RPTOR: variants seen among roughly 807,000 people sequenced by gnomAD.
RPTOR encodes regulatory associated protein of MTOR complex 1, also known as regulatory-associated protein of mTOR.
Under a neutral mutation model 169.9 loss-of-function variants are expected in RPTOR, and 21 were observed. The observed-to-expected ratio is 0.12, with a 90% CI of 0.09 to 0.18. RPTOR has a LOEUF of 0.18. Among genes scored for constraint, RPTOR ranks in the 10% least tolerant of loss-of-function variants. RPTOR has a pLI of 1.00. For missense variants in RPTOR, 1,133 were observed against 1,855.9 expected (o/e 0.61, Z 7.16); for synonymous variants, 732 against 753.2 (o/e 0.97, Z 0.46).
intron 12 of RPTOR, among the ~76,000 whole-genome samples, chr17:80,856,476 T>A (rs1234303554): frequency 6.6e-6 from 1 of 152,164 alleles, no homozygotes; most frequent in Non-Finnish European, 1.5e-5. Flanking sequence ...TTTCATCAGA[T>A]AATGTTGACA....
chr17:80,776,376 T>G (rs1438437405), intron 6 of RPTOR, among the ~76,000 whole-genome samples: 1 of 137,844 alleles, frequency 7.3e-6, no homozygotes, highest in Non-Finnish European at 1.5e-5. Flanking sequence ...CAGGCTGGAG[T>G]GCAGTGGCGT....
At chr17:80,592,500 G>T (rs1161133819) in intron 1 of RPTOR, among the ~76,000 whole-genome samples, 1 of 152,092 alleles carries the variant, frequency 6.6e-6, no homozygotes, top group African/African-American at 2.4e-5. Flanking sequence ...ATCTGGGAAG[G>T]GAACAGGATA....
chr17:80,563,469 G>T (rs1338475279), intron 1 of RPTOR, among the ~76,000 whole-genome samples: 1 of 150,172 alleles, frequency 6.7e-6, no homozygotes, highest in Non-Finnish European at 1.5e-5. Flanking sequence ...GGAGGCAGAG[G>T]TTGGAGAATT....
chr17:80,922,770 T>C lies in RPTOR; in HGVS notation c.2567T>C (p.Leu856Pro). 1 of 1,584,352 alleles carries C rather than the reference T, an allele frequency of 6.3e-7. No individual in the cohort carries two copies. Among genetic ancestry groups the C allele is most frequent in the South Asian group, 1.1e-5 (1 of 87,702 alleles). Reference sequence around the variant, plus strand: ...CAGCGCGTCCTGGACACCTCCTCCCTCACGCAGTCGGCCCCCGCCAGCCCC... The same window carrying C: ...CAGCGCGTCCTGGACACCTCCTCCCCCACGCAGTCGGCCCCCGCCAGCCCC... ...RPQRVLDTSS[L>P]TQSAPASPTN... is the part of the protein sequence containing the mutation. The change falls in exon 22 of 34, where the codon CTC becomes CCC. Residue 856 changes from leucine to proline, a missense_variant. This residue lies in a region of RPTOR where 123 missense variants were observed against 129.0 expected (regional missense o/e 0.95). Transcript: ENST00000306801.
At chr17:80,629,929 C>T (rs987898218) in intron 2 of RPTOR, among the ~76,000 whole-genome samples, 5 of 152,240 alleles carry the variant, frequency 3.3e-5, no homozygotes, top group Admixed American at 6.5e-5. Context: ...GCAGCTCCTC[C>T]GTTTGTTCTC....
At chr17:80,807,363 G>C (rs982086121) in intron 7 of RPTOR, among the ~76,000 whole-genome samples, 16 of 145,452 alleles carry the variant, frequency 1.1e-4, no homozygotes, top group Middle Eastern at 3.2e-3. Flanking sequence ...TTTTTGGAGC[G>C]GGGGGAACGG....
intron 24 of RPTOR, among the ~76,000 whole-genome samples, chr17:80,930,244 G>GTTCATC (rs2068865591): frequency 9.7e-5 from 2 of 20,594 alleles, no homozygotes; most frequent in East Asian, 1.3e-3. Flanking sequence ...CTCATCCTCA[G>GTTCATC]CTCAGCTCAT....
intron 7 of RPTOR, among the ~76,000 whole-genome samples, chr17:80,821,001 A>G (rs1014865898): frequency 6.6e-6 from 1 of 152,232 alleles, no homozygotes; most frequent in Non-Finnish European, 1.5e-5. Flanking sequence ...CTGCTTTAGA[A>G]TATTATACTA....
At chr17:80,660,068 C>T (rs1363269994) in intron 3 of RPTOR, among the ~76,000 whole-genome samples, 4 of 151,912 alleles carry the variant, frequency 2.6e-5, no homozygotes, top group Non-Finnish European at 2.9e-5. Flanking sequence ...GTCAGGAGTT[C>T]GAGACCAGTC....
At chr17:80,561,964 G>C (rs775244435) in intron 1 of RPTOR, among the ~76,000 whole-genome samples, 3 of 152,160 alleles carry the variant, frequency 2.0e-5, no homozygotes, top group Non-Finnish European at 4.4e-5. Context: ...GTATGTATGT[G>C]TGTACATGTT....
chr17:80,954,377 C>T (rs1265724915), intron 28 of RPTOR, among the ~76,000 whole-genome samples: 1 of 151,944 alleles, frequency 6.6e-6, no homozygotes, highest in African/African-American at 2.4e-5. Flanking sequence ...CCGCCTCAGC[C>T]TCCCAAAGTG....
chr17:80,558,701 T>TA (rs1321708613), intron 1 of RPTOR, among the ~76,000 whole-genome samples: 3 of 152,142 alleles, frequency 2.0e-5, no homozygotes, highest in Non-Finnish European at 4.4e-5. Context: ...GCCATTTTCT[T>TA]ACGTAAGCAC....
At chr17:80,606,527 A>G (rs527370807) in intron 1 of RPTOR, among the ~76,000 whole-genome samples, 4 of 152,114 alleles carry the variant, frequency 2.6e-5, no homozygotes, top group South Asian at 2.1e-4. Context: ...TTGTGTAGCA[A>G]TTTTTAAAGT....
intron 20 of RPTOR, among the ~76,000 whole-genome samples, chr17:80,906,572 G>A (rs1057277274): frequency 2.6e-5 from 4 of 152,230 alleles, no homozygotes; most frequent in African/African-American, 9.6e-5. Flanking sequence ...CGCCGGCCAG[G>A]CACACATGTG....
At chr17:80,806,036 A>C (rs2067215337) in intron 7 of RPTOR, among the ~76,000 whole-genome samples, 1 of 152,254 alleles carries the variant, frequency 6.6e-6, no homozygotes, top group African/African-American at 2.4e-5. Context: ...AGATGGCAGC[A>C]CTGTGCATAT....
At chr17:80,745,914 C>T (rs2066568428) in intron 5 of RPTOR, among the ~76,000 whole-genome samples, 1 of 152,192 alleles carries the variant, frequency 6.6e-6, no homozygotes, top group Non-Finnish European at 1.5e-5. Flanking sequence ...GTAATCCCAG[C>T]ACTTTGGGAG....
intron 24 of RPTOR, among the ~76,000 whole-genome samples, chr17:80,930,439 A>T (rs1598408141): frequency 4.3e-5 from 6 of 140,454 alleles, no homozygotes; most frequent in African/African-American, 8.1e-5. Context: ...CCTCATCCCC[A>T]GCTCATCCTC....
At chr17:80,827,260 A>T (rs1405124141) in intron 9 of RPTOR, among the ~76,000 whole-genome samples, 4 of 152,264 alleles carry the variant, frequency 2.6e-5, no homozygotes, top group Non-Finnish European at 5.9e-5. Flanking sequence ...AGGTGGAAAC[A>T]GCACTAGGGA....
chr17:80,768,141 C>T (rs1449262192), intron 6 of RPTOR, among the ~76,000 whole-genome samples: 1 of 152,202 alleles, frequency 6.6e-6, no homozygotes, highest in Non-Finnish European at 1.5e-5. Flanking sequence ...GGATTACAGG[C>T]GTGAGCCACC....
Sources: gnomAD v4.1 joint callset for allele counts (sites outside exome capture counted in the v4.1 genomes callset) on GRCh38, gnomAD v4.1.1 for gene constraint, gnomAD v4.1.1 regional missense constraint, MANE v1.5 for transcripts, NCBI Gene and HGNC (gene_info 2026-07-23, HGNC 2026-07-21) for gene names.